The following TMLHE variants were observed in gnomAD, a reference collection of about 807,000 sequenced individuals.
The protein encoded by TMLHE is trimethyllysine dioxygenase, mitochondrial.
A neutral mutation model predicts 25.7 loss-of-function variants in TMLHE; 18 were observed. The ratio of observed to expected loss-of-function variants is 0.70; its 90% CI spans 0.48 to 1.04. The LOEUF (loss-of-function observed/expected upper bound fraction) is 1.04, where lower values mean the gene tolerates loss of function less well. Among genes scored for constraint, TMLHE ranks in the 50% least tolerant of loss-of-function variants. The probability of loss-of-function intolerance (pLI) is 0.00; values close to 1 mark genes in which losing one functional copy is unlikely to be tolerated. For missense variants in TMLHE, 236 were observed against 259.0 expected (o/e 0.91, Z 0.61); for synonymous variants, 105 against 97.0 (o/e 1.08, Z -0.49).
intron 1 of TMLHE, among the ~76,000 whole-genome samples, chrX:155,569,306 A>G (rs1181806744): frequency 1.7e-5 from 1 of 57,190 alleles, no homozygotes; most frequent in African/African-American, 4.2e-5. Flanking sequence ...AAAGAAATGA[A>G]CAAAGCCTCC....
At chrX:155,610,727 G>A (rs1285018482) in intron 1 of TMLHE, among the ~76,000 whole-genome samples, 1 of 111,521 alleles carries the variant, frequency 9.0e-6, no homozygotes, top group African/African-American at 3.3e-5. Context: ...GTAGTCATGG[G>A]ACAAAGAGAA....
At chrX:155,512,762 C>G (rs2067126339) in intron 4 of TMLHE, among the ~76,000 whole-genome samples, 1 of 111,616 alleles carries the variant, frequency 9.0e-6, no homozygotes, top group East Asian at 2.8e-4. Context: ...CCTCACTCAT[C>G]TTTTGGACAT....
intron 3 of TMLHE, among the ~76,000 whole-genome samples, chrX:155,523,115 C>T (rs1557335980): frequency 9.0e-6 from 1 of 111,576 alleles, no homozygotes; most frequent in East Asian, 2.8e-4. Flanking sequence ...TAATGTTGAA[C>T]ATCTTTTCAT....
At chrX:155,523,074 T>G (rs2067198224) in intron 3 of TMLHE, among the ~76,000 whole-genome samples, 1 of 111,894 alleles carries the variant, frequency 8.9e-6, no homozygotes, top group South Asian at 3.7e-4. Context: ...AATCTCATTG[T>G]GATACTAACT....
At chrX:155,593,843 A>G (rs1557346253) in intron 1 of TMLHE, among the ~76,000 whole-genome samples, 1 of 111,546 alleles carries the variant, frequency 9.0e-6, no homozygotes, top group African/African-American at 3.3e-5. Flanking sequence ...AATCCAAGAA[A>G]AAAAAAACAA....
At chrX:155,543,695 TCAA>T (rs782176248) in intron 2 of TMLHE, among the ~76,000 whole-genome samples, 1 of 112,514 alleles carries the variant, frequency 8.9e-6, no homozygotes, top group Non-Finnish European at 1.9e-5. Context: ...ACTGATAATT[TCAA>T]CACCTGTGTC....
intron 3 of TMLHE, among the ~76,000 whole-genome samples, chrX:155,516,010 C>CTTTTTT (rs782343831): frequency 0.013 from 876 of 65,991 alleles, 8 homozygotes; most frequent in African/African-American, 0.015. Context: ...TTGTACTTTT[C>CTTTTTT]TTCTTTTTTT....
chrX:155,505,308 C>T (rs935287632), intron 6 of TMLHE, among the ~76,000 whole-genome samples: 7 of 111,520 alleles, frequency 6.3e-5, no homozygotes, highest in African/African-American at 2.3e-4. Flanking sequence ...AATAGAGTTA[C>T]TACTCATTGT....
chrX:155,607,742 A>G (rs2067795301), intron 1 of TMLHE, among the ~76,000 whole-genome samples: 1 of 112,108 alleles, frequency 8.9e-6, no homozygotes, highest in African/African-American at 3.2e-5. Context: ...TACAAAAATC[A>G]GTAGCATTTC....
chrX:155,595,097 G>T (rs1466563919), intron 1 of TMLHE, among the ~76,000 whole-genome samples: 1 of 111,754 alleles, frequency 8.9e-6, no homozygotes, highest in African/African-American at 3.2e-5. Context: ...GTTATAAAAA[G>T]TTAAAATTTG....
At chrX:155,512,476 T>C (rs368190429) in intron 4 of TMLHE, among the ~76,000 whole-genome samples, 3 of 110,359 alleles carry the variant, frequency 2.7e-5, no homozygotes, top group South Asian at 7.7e-4. Flanking sequence ...ATTTCATCCA[T>C]GTCCCTACAA....
chrX:155,512,394 C>T (rs1290021515), intron 4 of TMLHE, among the ~76,000 whole-genome samples: 1 of 104,064 alleles, frequency 9.6e-6, no homozygotes, highest in Non-Finnish European at 2.0e-5. Context: ...GTTCAATTCC[C>T]ACCTATGAGT....
chrX:155,600,655 A>C (rs781978198), intron 1 of TMLHE, among the ~76,000 whole-genome samples: 1 of 112,070 alleles, frequency 8.9e-6, no homozygotes, highest in Admixed American at 9.5e-5. Context: ...CGAGACAGCT[A>C]TACTGGGCTT....
intron 1 of TMLHE, among the ~76,000 whole-genome samples, chrX:155,548,455 G>T (rs1466483805): frequency 9.0e-6 from 1 of 110,945 alleles, no homozygotes. Flanking sequence ...CATCCTACAG[G>T]CTGGGCACGG....
At chrX:155,611,659 A>C (rs2067822853) in intron 1 of TMLHE, 1 of 111,616 alleles carries the variant, frequency 9.0e-6, no homozygotes, top group East Asian at 2.8e-4. Flanking sequence ...ATAAAGTATA[A>C]GTTTTTTAAG....
In TMLHE at chrX:155,548,734, CAA is replaced by C. The variant is rs782184670; in HGVS notation, c.-1-3459_-1-3458del. Among the ~76,000 whole-genome samples, 6 of 78,369 alleles carry C rather than the reference CAA, an allele frequency of 7.7e-5. 1 individual carries two copies. In the East Asian group the frequency reaches 1.9e-3, roughly 25 times the overall value. The allele number at this position is 78,369 out of a possible 115,157, so 68.1% of individuals were successfully genotyped here. ...TGGGCGACAGAGTGAGACTCTGTCT[CAA>C]AAAAAAAAAAGACATCCTACAAGTC... On this transcript the variant is annotated intron_variant, in intron 1 of 7. Transcript: ENST00000334398.
chrX:155,547,213 C>T (rs1205362251), intron 1 of TMLHE, among the ~76,000 whole-genome samples: 6 of 92,617 alleles, frequency 6.5e-5, no homozygotes, highest in East Asian at 3.5e-4. Flanking sequence ...GGCGCTATCT[C>T]GGCTCACTGC....
At chrX:155,597,357 A>G in intron 1 of TMLHE, among the ~76,000 whole-genome samples, 1 of 110,993 alleles carries the variant, frequency 9.0e-6, no homozygotes, top group African/African-American at 3.3e-5. Flanking sequence ...CAGGTGCTGG[A>G]GAGGATGTGG....
intron 5 of TMLHE, among the ~76,000 whole-genome samples, chrX:155,510,958 G>T: frequency 9.1e-6 from 1 of 109,846 alleles, no homozygotes; most frequent in East Asian, 2.9e-4. Context: ...GGTGTGAGAT[G>T]GTATCTCATT....
Sources: gnomAD v4.1 joint callset for allele counts (sites outside exome capture counted in the v4.1 genomes callset) on GRCh38, gnomAD v4.1.1 for gene constraint, MANE v1.5 for transcripts, NCBI Gene and HGNC (gene_info 2026-07-23, HGNC 2026-07-21) for gene names.